NEBL: variants seen among roughly 807,000 people sequenced by gnomAD.
The protein encoded by NEBL is nebulette.
Under a neutral mutation model 140.2 loss-of-function variants are expected in NEBL, and 122 were observed. That is an observed-to-expected ratio of 0.87 (90% CI 0.75 to 1.01). The LOEUF is 1.01. Among genes scored for constraint, NEBL ranks in the 50% least tolerant of loss-of-function variants. The pLI is 0.00. For synonymous variants in NEBL, 436 were observed against 398.9 expected (o/e 1.09, Z -1.11); for missense variants, 1,365 against 1,231.3 (o/e 1.11, Z -1.62).
chr10:20,877,396 T>C (rs767522614), intron 5 of NEBL, among the ~76,000 whole-genome samples: 1 of 152,200 alleles, frequency 6.6e-6, no homozygotes. Context: ...GCTACTGATA[T>C]AGGAGTTAAG....
chr10:20,969,554 T>C (rs904802543), intron 3 of NEBL, among the ~76,000 whole-genome samples: 1 of 146,990 alleles, frequency 6.8e-6, no homozygotes, highest in African/African-American at 2.5e-5. Flanking sequence ...CTTTTTTTTT[T>C]TTTTTTTTTG....
chr10:21,034,551 G>C (rs372316079), intron 2 of NEBL, among the ~76,000 whole-genome samples: 31 of 152,322 alleles, frequency 2.0e-4, no homozygotes, highest in African/African-American at 6.3e-4. Context: ...ACAATTTGCA[G>C]ATCAGTTATT....
rs562194219 is a variant in NEBL, at chr10:21,261,923, G to A, written n.183-10095C>T. On this transcript the variant is annotated intron_variant and non_coding_transcript_variant, in intron 1 of 8. Transcript: ENST00000675702. Reference sequence around the variant, plus strand: ...TGGTTCACTCAGACCAGCAGCAGCCGCCTGGAGACCATGCAGGAATGGAGT... The same window carrying A: ...TGGTTCACTCAGACCAGCAGCAGCCACCTGGAGACCATGCAGGAATGGAGT... Among the ~76,000 whole-genome samples, 6 of 152,228 alleles carry A rather than the reference G, an allele frequency of 3.9e-5. 1 individual carries two copies. Among genetic ancestry groups the A allele is most frequent in the East Asian group, 1.9e-4 (1 of 5,170 alleles).
intron 1 of NEBL, among the ~76,000 whole-genome samples, chr10:21,270,775 A>G (rs1304120742): frequency 1.3e-5 from 2 of 152,132 alleles, no homozygotes; most frequent in East Asian, 1.9e-4. Flanking sequence ...ACTTCCTACT[A>G]TCTTAGTGGG....
intron 18 of NEBL, 80 bp from the exon 19 acceptor site, chr10:20,823,380 A>G (rs997434895): frequency 4.9e-5 from 49 of 1,003,542 alleles, no homozygotes; most frequent in Non-Finnish European, 7.1e-5. Context: ...AATTGTAACT[A>G]TTGCATAATT....
At chr10:21,135,619 A>G (rs961987008) in intron 2 of NEBL, among the ~76,000 whole-genome samples, 2 of 152,162 alleles carry the variant, frequency 1.3e-5, no homozygotes, top group African/African-American at 4.8e-5. Context: ...AACAGCTCCT[A>G]TGGGTGCACC....
At chr10:20,802,586 A>G (rs1837219997) in intron 26 of NEBL, among the ~76,000 whole-genome samples, 1 of 152,236 alleles carries the variant, frequency 6.6e-6, no homozygotes, top group Non-Finnish European at 1.5e-5. Flanking sequence ...AGATGGGAAA[A>G]TATCATGGAA....
chr10:21,085,686 TTTAA>T (rs1836592174), intron 2 of NEBL, among the ~76,000 whole-genome samples: 2 of 152,256 alleles, frequency 1.3e-5, no homozygotes, highest in African/African-American at 4.8e-5. Flanking sequence ...CAAAAGCTCA[TTTAA>T]TTAATACATT....
intron 1 of NEBL, among the ~76,000 whole-genome samples, chr10:21,258,918 T>C (rs1842699993): frequency 6.6e-6 from 1 of 152,080 alleles, no homozygotes; most frequent in South Asian, 2.1e-4. Flanking sequence ...ATGTTCTAGG[T>C]ACTTTATGTA....
intron 3 of NEBL, among the ~76,000 whole-genome samples, chr10:21,237,768 G>T (rs776964783): frequency 6.6e-6 from 1 of 151,850 alleles, no homozygotes; most frequent in Non-Finnish European, 1.5e-5. Flanking sequence ...CACCAAGCCT[G>T]GCTAATTTTT....
chr10:21,105,060 T>C (rs1734228679), intron 2 of NEBL, among the ~76,000 whole-genome samples: 1 of 152,220 alleles, frequency 6.6e-6, no homozygotes, highest in Non-Finnish European at 1.5e-5. Flanking sequence ...CCCTGAATTC[T>C]TGGAAGAAAC....
At chr10:21,078,147 A>G (rs1237635338) in intron 2 of NEBL, among the ~76,000 whole-genome samples, 1 of 152,196 alleles carries the variant, frequency 6.6e-6, no homozygotes, top group Non-Finnish European at 1.5e-5. Context: ...GCAACAATCA[A>G]AGCTGGAAGC....
At chr10:20,884,071 C>T (rs1382663171) in intron 4 of NEBL, among the ~76,000 whole-genome samples, 1 of 152,148 alleles carries the variant, frequency 6.6e-6, no homozygotes, top group Non-Finnish European at 1.5e-5. Context: ...TGCCATGTTA[C>T]TAGGAACCTG....
At chr10:21,202,117 G>C (rs1016483680) in intron 3 of NEBL, among the ~76,000 whole-genome samples, 3 of 152,006 alleles carry the variant, frequency 2.0e-5, no homozygotes, top group African/African-American at 7.3e-5. Context: ...ATCTATGCAG[G>C]TCATATTGAG....
intron 3 of NEBL, among the ~76,000 whole-genome samples, chr10:21,181,140 G>T (rs1235132386): frequency 1.3e-5 from 2 of 151,852 alleles, no homozygotes; most frequent in Non-Finnish European, 2.9e-5. Flanking sequence ...GCACACACCT[G>T]TAATCTCAGC....
intron 3 of NEBL, among the ~76,000 whole-genome samples, chr10:21,004,480 G>A (rs562771149): frequency 3.9e-5 from 6 of 152,202 alleles, no homozygotes; most frequent in Admixed American, 1.3e-4. Flanking sequence ...CAGTACTTTC[G>A]GAGGCCGAGG....
rs569130909 is a variant in NEBL, at chr10:20,961,875, G to T, written c.250-96C>A. 12 of 902,286 alleles carry T rather than the reference G, an allele frequency of 1.3e-5. No individual in the cohort carries two copies. The Admixed American group carries it at 2.0e-4, about 15-fold the overall frequency. The allele number at this position is 902,286 out of a possible 1,614,324, so 55.9% of individuals were successfully genotyped here. On this transcript the variant is annotated intron_variant, in intron 3 of 6. Coordinates refer to the NEBL transcript ENST00000417816. Reference sequence around the variant, plus strand: ...GAAGCTGCTGGAATTGGAAACAATGGCTAAAAACACAGATCTCAGCCGGAG... The same window carrying T: ...GAAGCTGCTGGAATTGGAAACAATGTCTAAAAACACAGATCTCAGCCGGAG...
At chr10:20,970,322 T>G (rs188986764) in intron 3 of NEBL, among the ~76,000 whole-genome samples, 1 of 152,166 alleles carries the variant, frequency 6.6e-6, no homozygotes, top group Non-Finnish European at 1.5e-5. Context: ...AGGAGCTCCT[T>G]CAGTCCTTTT....
chr10:21,122,056 C>G (rs1486803894), intron 2 of NEBL, among the ~76,000 whole-genome samples: 1 of 149,808 alleles, frequency 6.7e-6, no homozygotes, highest in African/African-American at 2.5e-5. Context: ...GACACAGTCT[C>G]TTTCTATCAC....
Sources: allele counts gnomAD v4.1 joint callset (sites outside exome capture counted in the v4.1 genomes callset), GRCh38; gene constraint gnomAD v4.1.1; transcripts MANE v1.5; gene names NCBI Gene and HGNC (gene_info 2026-07-23, HGNC 2026-07-21).